The following ESPL1 variants were observed in gnomAD, a reference collection of about 807,000 sequenced individuals.
The protein encoded by ESPL1 is extra spindle pole bodies like 1, separase.
A neutral mutation model predicts 217.2 loss-of-function variants in ESPL1; 50 were observed. The observed-to-expected ratio is 0.23, with a 90% CI of 0.18 to 0.29. The LOEUF (loss-of-function observed/expected upper bound fraction) is 0.29. Ranked by LOEUF, ESPL1 falls within the 10% of genes least tolerant of loss-of-function variation. ESPL1 has a pLI of 1.00. For synonymous variants in ESPL1, 994 were observed against 1,081.3 expected (o/e 0.92, Z 1.58); for missense variants, 1,834 against 2,603.0 (o/e 0.70, Z 6.43).
chr12:53,284,203 T>C, intron 17 of ESPL1, 36 bp downstream of exon 17: 1 of 1,244,070 alleles, frequency 8.0e-7, no homozygotes, highest in Non-Finnish European at 1.2e-6. Context: ...TAGGCGGTGC[T>C]GAAATGACAC....
At position 53,292,253 on chromosome 12, in the gene ESPL1, C is replaced by T. The variant is rs1381087356; in HGVS notation, c.5797-25C>T. On this transcript the variant is annotated intron_variant, in intron 27 of 30. Transcript: ENST00000257934. This position sits in a 1 kb window ranked among gnomAD's most constrained non-coding sequence, Gnocchi z 4.5. ...TGGGCCTCTTGGTGAGACAAGCATC[C>T]TAATCGCCAGTGTCTCCTCCTCAGT... The T allele has an allele frequency of 6.4e-7, 1 of 1,559,868 alleles. No homozygotes were observed. Among genetic ancestry groups the T allele is most frequent in the Non-Finnish European group, 8.8e-7 (1 of 1,130,714 alleles).
Position 53,283,191 on chromosome 12 carries a change from C to T in ESPL1, c.2854C>T (p.Leu952=). 2 of 1,614,020 alleles carry T rather than the reference C, an allele frequency of 1.2e-6. No homozygotes were observed. Among genetic ancestry groups the T allele is most frequent in the Non-Finnish European group, 1.7e-6 (2 of 1,179,856 alleles). The change falls in exon 15 of 31, where the codon CTG becomes TTG. Residue 952 remains leucine (L), a synonymous_variant. Transcript: ENST00000257934. Reference sequence around the variant, plus strand: ...TAAGCTCCTCCGAAGCATCATCCTCCTGCTGATGGGCAGTGACATTCTCTC... The same window carrying T: ...TAAGCTCCTCCGAAGCATCATCCTCTTGCTGATGGGCAGTGACATTCTCTC... The part of the protein sequence containing the change: ...SHKLLRSIIL[L]LMGSDILSTQ...
intron 17 of ESPL1, among the ~76,000 whole-genome samples, chr12:53,284,986 G>T (rs936611955): frequency 6.9e-6 from 1 of 145,104 alleles, no homozygotes; most frequent in Non-Finnish European, 1.5e-5. Flanking sequence ...ACTCCAGCCC[G>T]GGTGACAGTG....
chr12:53,283,346 G>A (rs765098239), intron 15 of ESPL1, 36 bp from the exon 16 acceptor site: 7 of 1,613,264 alleles, frequency 4.3e-6, no homozygotes, highest in Non-Finnish European at 5.9e-6. Flanking sequence ...TCCACACTGT[G>A]GCTGAGTGAT....
At position 53,290,209 on chromosome 12, in the gene ESPL1, C is replaced by A; in HGVS notation, c.5238C>A (p.Asn1746Lys). Residue 1746 changes from asparagine to lysine, a missense_variant, in exon 23 of 31, where the codon AAC (asparagine) becomes AAA (lysine). Physicochemically the swap from Asn to Lys is moderately conservative, Grantham distance 94 (BLOSUM62 0). Transcript: ENST00000257934. ...PVSVQIPTGQ[N>K]KLHLRSVLNE... ...GTGTGCAGATTCCCACTGGCCAGAA[C>A]AAGGTAGGATTCCTGGGCCATGGAG... 6.2e-7 allele frequency: 1 copy of A among 1,614,042 alleles called. No individual in the cohort carries two copies. Among genetic ancestry groups the A allele is most frequent in the Non-Finnish European group, 8.5e-7 (1 of 1,180,030 alleles).
In ESPL1 at chr12:53,282,988, G is replaced by A; in HGVS notation, c.2792-141G>A. The A allele has an allele frequency of 9.1e-7, 1 of 1,098,184 alleles. No individual in the cohort carries two copies. The highest frequency in any genetic ancestry group is 1.3e-6 in the Non-Finnish European group (1 of 760,282). 68.0% of individuals were successfully genotyped at this position (1,098,184 alleles called of 1,614,324 possible). A position where few individuals can be genotyped will look rare whatever the true frequency, so the allele number is the denominator to read the frequency against. On this transcript the variant is annotated intron_variant, in intron 14 of 30. Coordinates refer to ENST00000257934, the MANE Select transcript of ESPL1 (RefSeq NM_012291.5). This position sits in a 1 kb window ranked among gnomAD's most constrained non-coding sequence, Gnocchi z 4.0. ...GATTCTGAGACCCCAGGGGATCTCA[G>A]AGGGAAGGAGTTATGAGATTGATTA...
At chr12:53,285,010 C>CAAAAAAA (rs546915854) in intron 17 of ESPL1, among the ~76,000 whole-genome samples, 1 of 100,464 alleles carries the variant, frequency 1.0e-5, no homozygotes, top group Non-Finnish European at 2.0e-5. Flanking sequence ...GACTCTGACT[C>CAAAAAAA]AAAAAAAAAA....
chr12:53,291,012 A>G lies in ESPL1; in HGVS notation c.5520+16A>G. Reference sequence around the variant, plus strand: ...TCTGCTGAAAGTGAGTGAGGAAAGCAGGGAAGGGGGCCAGGCCCAGTGGCT... The same window carrying G: ...TCTGCTGAAAGTGAGTGAGGAAAGCGGGGAAGGGGGCCAGGCCCAGTGGCT... On this transcript the variant is annotated intron_variant, in intron 25 of 30. Coordinates refer to ENST00000257934, the MANE Select transcript of ESPL1 (RefSeq NM_012291.5). 2.6e-6 allele frequency: 4 copies of G among 1,564,644 alleles called. No individual in the cohort carries two copies. The highest frequency in any genetic ancestry group is 3.5e-6 in the Non-Finnish European group (4 of 1,154,132).
intron 3 of ESPL1, 141 bp downstream of exon 3, chr12:53,270,226 GC>G: frequency 4.2e-6 from 4 of 961,756 alleles, no homozygotes; most frequent in Non-Finnish European, 6.5e-6. Context: ...CCAGCAAACA[GC>G]CTAGTCTATC....
At chr12:53,274,678 G>T in intron 6 of ESPL1, 139 bp from the exon 7 acceptor site, 1 of 643,672 alleles carries the variant, frequency 1.6e-6, no homozygotes, top group Non-Finnish European at 2.8e-6. Flanking sequence ...CTCCTGCCTT[G>T]GGTGGGTGTG....
intron 11 of ESPL1, 122 bp from the exon 12 acceptor site, chr12:53,279,610 C>G (rs1943827135): frequency 8.6e-7 from 1 of 1,163,620 alleles, no homozygotes; most frequent in Non-Finnish European, 1.2e-6. Context: ...ATCTGGGTAA[C>G]TACATTCCAC....
rs773759751 is a variant in ESPL1 at position 53,288,269 on chromosome 12, G to T, written c.4474G>T (p.Glu1492Ter). 2 of 1,606,922 alleles carry T rather than the reference G, an allele frequency of 1.2e-6. No individual in the cohort carries two copies. Among genetic ancestry groups the T allele is most frequent in the Non-Finnish European group, 1.7e-6 (2 of 1,177,382 alleles). Residue 1492 changes from glutamate to a stop codon, truncating the protein, a stop_gained, in exon 19 of 31, where the codon GAA (glutamate) becomes TAA (stop). Coordinates refer to ENST00000257934, the MANE Select transcript of ESPL1 (RefSeq NM_012291.5). LOFTEE classifies it high-confidence loss of function. ...PEIMRTIPEE[E>*]LTDNWRKMSF... ...GATCATGAGGACCATCCCTGAGGAA[G>T]AACTGACTGACAACTGGAGAAAAAT...
chr12:53,269,012 C>T lies in ESPL1; in HGVS notation c.82-12C>T, dbSNP rs763155697. The T allele has an allele frequency of 2.4e-5, 39 of 1,602,664 alleles. 1 individual carries two copies. In the Middle Eastern group the frequency reaches 4.5e-3, roughly 184 times the overall value. On this transcript the variant is annotated splice_polypyrimidine_tract_variant and intron_variant, in intron 2 of 30. Transcript: ENST00000257934. The surrounding 1 kb of genome is among the most constrained non-coding windows in gnomAD (Gnocchi z 6.7). ...CTTTGCTAGCCCCATTCATATCTTT[C>T]TCTACTCCTAGGAGTTCCTGTCCAA...
In ESPL1 at chr12:53,276,013, C is replaced by T. The variant is rs998991509; in HGVS notation, c.1701-607C>T. Among the ~76,000 whole-genome samples, 22 of 152,060 alleles carry T rather than the reference C, an allele frequency of 1.4e-4. 1 individual carries two copies. Among genetic ancestry groups the T allele is most frequent in the Non-Finnish European group, 1.5e-5 (1 of 68,012 alleles). On this transcript the variant is annotated intron_variant, in intron 7 of 30. Transcript: ENST00000257934. ...TCTACTTTGTAAAGATCTCAGGGAG[C>T]CTGGGCAACAAAGCGAGACCTTGAC...
chr12:53,284,678 T>C (rs1376726528), intron 17 of ESPL1, among the ~76,000 whole-genome samples: 1 of 152,112 alleles, frequency 6.6e-6, no homozygotes, highest in Non-Finnish European at 1.5e-5. Flanking sequence ...GTTCTAGTTT[T>C]CAGTGCTTCC....
In ESPL1 at chr12:53,286,891, G is replaced by C; in HGVS notation, c.4155G>C (p.Gln1385His). ...PEVPQAPRVQQRVQTRLKVNF... is the reference protein window; with the variant it reads ...PEVPQAPRVQHRVQTRLKVNF... ...TACCCCAGGCCCCCAGGGTACAACAGAGAGTCCAGACGCGCCTCAAGGTGA... is the reference window on the plus strand; with the variant it reads ...TACCCCAGGCCCCCAGGGTACAACACAGAGTCCAGACGCGCCTCAAGGTGA... The change falls in exon 18 of 31, where the codon CAG (glutamine) becomes CAC (histidine). Residue 1385 changes from glutamine to histidine, a missense_variant. Around this residue, in one of 5 missense-constraint regions of ESPL1, gnomAD observed 681 missense variants for 808.0 expected, o/e 0.84. Coordinates refer to ENST00000257934, the MANE Select transcript of ESPL1 (RefSeq NM_012291.5). This position sits in a 1 kb window ranked among gnomAD's most constrained non-coding sequence, Gnocchi z 5.3. The C allele has an allele frequency of 6.2e-7, 1 of 1,607,390 alleles. No individual in the cohort carries two copies. Among genetic ancestry groups the C allele is most frequent in the Non-Finnish European group, 8.5e-7 (1 of 1,177,140 alleles).
chr12:53,273,850 T>G (rs1271000887), intron 6 of ESPL1, among the ~76,000 whole-genome samples: 5 of 108,760 alleles, frequency 4.6e-5, no homozygotes, highest in Admixed American at 8.8e-5. Context: ...TTTTTTTTTT[T>G]TTTTTTTTTT....
At chr12:53,289,666 A>G in intron 22 of ESPL1, 72 bp downstream of exon 22, 1 of 1,303,092 alleles carries the variant, frequency 7.7e-7, no homozygotes, top group Non-Finnish European at 1.1e-6. Flanking sequence ...TGGGTGAAGG[A>G]GTTTTAGGCA....
intron 6 of ESPL1, chr12:53,274,424 A>T: frequency 5.6e-6 from 1 of 178,138 alleles, no homozygotes. Flanking sequence ...TGCACGAGGG[A>T]TGGAATGCAG....
Sources: gnomAD v4.1 joint callset for allele counts (sites outside exome capture counted in the v4.1 genomes callset) on GRCh38, gnomAD v4.1.1 for gene constraint, gnomAD v4.1.1 regional missense constraint, Gnocchi (gnomAD v3.1) non-coding constraint, MANE v1.5 for transcripts, NCBI Gene and HGNC (gene_info 2026-07-23, HGNC 2026-07-21) for gene names.